The following SRBD1 variants were observed in gnomAD, a reference collection of about 807,000 sequenced individuals.
SRBD1 encodes the protein S1 RNA binding domain 1.
A neutral mutation model predicts 115.3 loss-of-function variants in SRBD1; 88 were observed. The ratio of observed to expected loss-of-function variants is 0.76; its 90% CI spans 0.64 to 0.91. The LOEUF (loss-of-function observed/expected upper bound fraction) is 0.91, where lower values mean the gene tolerates loss of function less well. Among genes scored for constraint, SRBD1 ranks in the 40% least tolerant of loss-of-function variants. The pLI, the probability that SRBD1 is intolerant of heterozygous loss-of-function variation, is 0.00. For synonymous variants in SRBD1, 509 were observed against 407.7 expected, an observed-to-expected ratio of 1.25 and a Z score of -2.99; for missense variants, 1,385 against 1,177.4, an observed-to-expected ratio of 1.18 and a Z score of -2.58.
intron 17 of SRBD1, 53 bp downstream of exon 17, chr2:45,419,735 G>C (rs1667940679): frequency 6.5e-7 from 1 of 1,528,442 alleles, no homozygotes; most frequent in South Asian, 1.1e-5. Flanking sequence ...GTTTGGACTG[G>C]ACAGCCAGTT....
At chr2:45,525,473 G>A (rs559551900) in intron 14 of SRBD1, among the ~76,000 whole-genome samples, 1 of 152,024 alleles carries the variant, frequency 6.6e-6, no homozygotes, top group African/African-American at 2.4e-5. Context: ...ATAAAAAATA[G>A]TAACAGTTTC....
intron 11 of SRBD1, among the ~76,000 whole-genome samples, chr2:45,553,363 C>T (rs938888155): frequency 7.9e-5 from 12 of 152,150 alleles, no homozygotes; most frequent in Non-Finnish European, 1.2e-4. Flanking sequence ...AGCTGCAAGA[C>T]TAGTATTGCA....
At position 45,420,619 on chromosome 2, in the gene SRBD1, C is replaced by G. The variant is rs35062768; in HGVS notation, c.2050-725G>C. On this transcript the variant is annotated intron_variant, in intron 16 of 20. Coordinates refer to ENST00000263736, the MANE Select transcript of SRBD1 (RefSeq NM_018079.5). ...AATAAGAAAATATAAGCAATCTAAACTGGCTAAGCTATTCCTAAAATTTCT... is the reference window on the plus strand; with the variant it reads ...AATAAGAAAATATAAGCAATCTAAAGTGGCTAAGCTATTCCTAAAATTTCT... Among the ~76,000 whole-genome samples the G allele has an allele frequency of 4.1e-3, 619 of 152,260 alleles. 1 individual carries two copies. Among genetic ancestry groups the G allele is most frequent in the Non-Finnish European group, 6.6e-3 (447 of 68,028 alleles).
intron 10 of SRBD1, among the ~76,000 whole-genome samples, chr2:45,561,756 T>C (rs1363735019): frequency 6.6e-6 from 1 of 152,160 alleles, no homozygotes; most frequent in Non-Finnish European, 1.5e-5. Flanking sequence ...TATACAAACA[T>C]GGTGCTATTT....
intron 15 of SRBD1, among the ~76,000 whole-genome samples, chr2:45,487,604 T>C (rs1670159070): frequency 6.6e-6 from 1 of 152,134 alleles, no homozygotes; most frequent in East Asian, 1.9e-4. Context: ...GCTTCAATAA[T>C]ATTTTGTAAC....
intron 14 of SRBD1, among the ~76,000 whole-genome samples, chr2:45,538,540 G>A (rs1361346198): frequency 6.6e-6 from 1 of 152,182 alleles, no homozygotes; most frequent in East Asian, 1.9e-4. Flanking sequence ...TCTGATTATT[G>A]CACTACAGAA....
At chr2:45,515,420 G>A (rs1296806801) in intron 14 of SRBD1, among the ~76,000 whole-genome samples, 1 of 152,136 alleles carries the variant, frequency 6.6e-6, no homozygotes, top group Non-Finnish European at 1.5e-5. Flanking sequence ...CCCATATTGT[G>A]AGCTATATAC....
intron 4 of SRBD1, among the ~76,000 whole-genome samples, chr2:45,588,560 T>C (rs1673618546): frequency 6.6e-6 from 1 of 152,194 alleles, no homozygotes; most frequent in South Asian, 2.1e-4. Flanking sequence ...CCCATAATAC[T>C]GTGGCCACCT....
intron 19 of SRBD1, among the ~76,000 whole-genome samples, chr2:45,409,431 C>A (rs1280102862): frequency 6.7e-6 from 1 of 149,982 alleles, no homozygotes; most frequent in East Asian, 1.9e-4. Flanking sequence ...TGAACCATGG[C>A]CCAAAGTTGA....
intron 16 of SRBD1, among the ~76,000 whole-genome samples, chr2:45,460,425 C>G (rs1356185318): frequency 6.6e-6 from 1 of 152,124 alleles, no homozygotes; most frequent in Non-Finnish European, 1.5e-5. Flanking sequence ...ACCACCTCTT[C>G]AAAAGGCAGC....
chr2:45,410,534 A>G (rs1667568590), intron 19 of SRBD1, among the ~76,000 whole-genome samples: 1 of 152,216 alleles, frequency 6.6e-6, no homozygotes, highest in Admixed American at 6.5e-5. Flanking sequence ...GTTTCCCTGC[A>G]AAAAGCTCCT....
At chr2:45,450,627 T>A (rs1017582460) in intron 16 of SRBD1, among the ~76,000 whole-genome samples, 2 of 152,170 alleles carry the variant, frequency 1.3e-5, no homozygotes, top group African/African-American at 4.8e-5. Context: ...AATGACTATA[T>A]ACGTCAATTA....
At chr2:45,461,008 T>A (rs1652419587) in intron 16 of SRBD1, among the ~76,000 whole-genome samples, 1 of 152,138 alleles carries the variant, frequency 6.6e-6, no homozygotes, top group Non-Finnish European at 1.5e-5. Flanking sequence ...GTGCCAGCGC[T>A]CCCTCCCAGT....
chr2:45,527,995 G>C (rs1448020382), intron 14 of SRBD1, among the ~76,000 whole-genome samples: 1 of 151,878 alleles, frequency 6.6e-6, no homozygotes, highest in East Asian at 1.9e-4. Flanking sequence ...CAGATCAGGA[G>C]AGATTTAGCT....
At chr2:45,542,518 T>G (rs1671977282) in intron 14 of SRBD1, among the ~76,000 whole-genome samples, 1 of 152,228 alleles carries the variant, frequency 6.6e-6, no homozygotes, top group Non-Finnish European at 1.5e-5. Context: ...ACTCCCCTGC[T>G]GCAGCCAGTG....
At chr2:45,550,389 A>G (rs1672258431) in intron 12 of SRBD1, among the ~76,000 whole-genome samples, 1 of 152,106 alleles carries the variant, frequency 6.6e-6, no homozygotes, top group African/African-American at 2.4e-5. Context: ...TGAGAAACAC[A>G]AAGAGAAAAT....
chr2:45,556,525 C>A (rs1346379598), intron 10 of SRBD1, among the ~76,000 whole-genome samples: 2 of 128,786 alleles, frequency 1.6e-5, no homozygotes, highest in African/African-American at 5.9e-5. Flanking sequence ...TGCAGAGGCA[C>A]AATCTTGGCT....
At chr2:45,551,643 G>C (rs1018154549) in intron 11 of SRBD1, among the ~76,000 whole-genome samples, 1 of 152,144 alleles carries the variant, frequency 6.6e-6, no homozygotes, top group African/African-American at 2.4e-5. Context: ...AGTGGGCAGG[G>C]AGAAAATATC....
chr2:45,493,419 T>C (rs1670358347), intron 14 of SRBD1, among the ~76,000 whole-genome samples: 1 of 152,226 alleles, frequency 6.6e-6, no homozygotes, highest in African/African-American at 2.4e-5. Flanking sequence ...GGGTAGAGCT[T>C]ACTTCTAAGA....
Sources: gnomAD v4.1 joint callset for allele counts (sites outside exome capture counted in the v4.1 genomes callset) on GRCh38, gnomAD v4.1.1 for gene constraint, MANE v1.5 for transcripts, NCBI Gene and HGNC (gene_info 2026-07-23, HGNC 2026-07-21) for gene names.